The following TMEM132C variants were observed in gnomAD, a reference collection of about 807,000 sequenced individuals.
The protein encoded by TMEM132C is protein phosphatase 1, regulatory subunit 152.
A neutral mutation model predicts 61.4 loss-of-function variants in TMEM132C; 29 were observed. The ratio of observed to expected loss-of-function variants is 0.47; its 90% CI spans 0.35 to 0.64. The LOEUF is 0.64. TMEM132C is among the 30% of genes least tolerant of loss of function. The pLI is 0.00. For missense variants in TMEM132C, 1,408 were observed against 1,476.9 expected (o/e 0.95, Z 0.76); for synonymous variants, 656 against 633.1 (o/e 1.04, Z -0.54).
intron 1 of TMEM132C, among the ~76,000 whole-genome samples, chr12:128,340,852 TCTTTCTTCCTTC>T (rs1301394591): frequency 2.1e-5 from 3 of 145,042 alleles, no homozygotes; most frequent in Non-Finnish European, 4.5e-5. Context: ...TTTCTCTCTT[TCTTTCTTCCTTC>T]CTTCCTTCCT....
chr12:128,412,871 A>T (rs529260491), intron 1 of TMEM132C, among the ~76,000 whole-genome samples: 68 of 152,262 alleles, frequency 4.5e-4, no homozygotes, highest in African/African-American at 1.0e-3. Context: ...AAAGCACTCC[A>T]TATTGCTTCA....
intron 2 of TMEM132C, among the ~76,000 whole-genome samples, chr12:128,461,090 C>G (rs1207727655): frequency 5.3e-5 from 8 of 152,170 alleles, no homozygotes; most frequent in Non-Finnish European, 1.0e-4. Context: ...CTATTGCTGA[C>G]CTTGTCAGTG....
intron 4 of TMEM132C, among the ~76,000 whole-genome samples, chr12:128,642,704 C>T (rs149985217): frequency 9.8e-4 from 149 of 152,314 alleles, no homozygotes; most frequent in African/African-American, 3.4e-3. Context: ...GTACAGCCTG[C>T]AGAACCATGA....
At chr12:128,371,189 T>C (rs1874018323) in intron 1 of TMEM132C, among the ~76,000 whole-genome samples, 1 of 152,152 alleles carries the variant, frequency 6.6e-6, no homozygotes, top group Non-Finnish European at 1.5e-5. Flanking sequence ...AGAAGGTGCA[T>C]TGGTGTGTGG....
chr12:128,294,363 C>T (rs1168593122), intron 1 of TMEM132C, among the ~76,000 whole-genome samples: 1 of 152,180 alleles, frequency 6.6e-6, no homozygotes, highest in East Asian at 1.9e-4. Flanking sequence ...CAAAACCACA[C>T]TTCAGTGACT....
At chr12:128,274,798 A>G (rs1768826669) in intron 1 of TMEM132C, among the ~76,000 whole-genome samples, 1 of 152,174 alleles carries the variant, frequency 6.6e-6, no homozygotes, top group South Asian at 2.1e-4. Context: ...TCCCAAACCA[A>G]TGGAATCAGG....
chr12:128,400,467 C>T (rs1875115317), intron 1 of TMEM132C, among the ~76,000 whole-genome samples: 2 of 152,182 alleles, frequency 1.3e-5, no homozygotes, highest in African/African-American at 4.8e-5. Context: ...TTTCCCAGCC[C>T]AGCACAGTGA....
chr12:128,634,941 A>G (rs972052082), intron 4 of TMEM132C, among the ~76,000 whole-genome samples: 2 of 152,242 alleles, frequency 1.3e-5, no homozygotes, highest in African/African-American at 2.4e-5. Flanking sequence ...AAATGAGTAT[A>G]TGAGCAGTAG....
chr12:128,594,239 G>C lies in TMEM132C; in HGVS notation c.1122-21913G>C, dbSNP rs1197200130. 2.0e-5 allele frequency among the ~76,000 whole-genome samples: 3 copies of C among 152,162 alleles called. No homozygotes were observed. In the East Asian group the frequency reaches 5.8e-4, roughly 30 times the overall value. ...ACCCCAGGGGGGCGCCACATAAAAG[G>C]GGATGTGCCCGTTATGAGTCCGTGA... On this transcript the variant is annotated intron_variant, in intron 3 of 8. Transcript: ENST00000435159.
rs140541188 is a variant in TMEM132C at position 128,567,429 on chromosome 12, G to GACACAC, written c.1121+23368_1121+23373dup. On this transcript the variant is annotated intron_variant, in intron 3 of 8. Coordinates refer to ENST00000435159, the MANE Select transcript of TMEM132C (RefSeq NM_001136103.3). ...GATCATAAGTGTCCACATACCCATAGACACACACACACACACACACACACA... is the reference window on the plus strand; with the variant it reads ...GATCATAAGTGTCCACATACCCATAGACACACACACACACACACACACACACACACA... 2.8e-3 allele frequency among the ~76,000 whole-genome samples: 385 copies of GACACAC among 136,326 alleles called. 3 individuals carry two copies. The highest frequency in any genetic ancestry group is 0.024 in the East Asian group (111 of 4,582). 89.4% of individuals were successfully genotyped at this position (136,326 alleles called of 152,430 possible).
chr12:128,600,279 G>A (rs1876137064), intron 3 of TMEM132C, among the ~76,000 whole-genome samples: 1 of 152,116 alleles, frequency 6.6e-6, no homozygotes, highest in Non-Finnish European at 1.5e-5. Context: ...ACCGCACCGG[G>A]CCAAGACCTG....
chr12:128,595,089 A>G (rs972777409), intron 3 of TMEM132C, among the ~76,000 whole-genome samples: 48 of 152,238 alleles, frequency 3.2e-4, no homozygotes, highest in Non-Finnish European at 1.6e-4. Context: ...GGAAGGAAAC[A>G]CTGCTCTCCG....
At chr12:128,551,785 A>G (rs1376765999) in intron 3 of TMEM132C, among the ~76,000 whole-genome samples, 1 of 152,104 alleles carries the variant, frequency 6.6e-6, no homozygotes, top group African/African-American at 2.4e-5. Flanking sequence ...TCTTTTTTCA[A>G]AACCAGGTGT....
chr12:128,292,204 C>G (rs1296672813), intron 1 of TMEM132C, among the ~76,000 whole-genome samples: 1 of 152,036 alleles, frequency 6.6e-6, no homozygotes, highest in South Asian at 2.1e-4. Flanking sequence ...TCACTTTTTT[C>G]TTATGCACAT....
intron 2 of TMEM132C, among the ~76,000 whole-genome samples, chr12:128,480,732 T>C (rs537620461): frequency 6.6e-6 from 1 of 152,242 alleles, no homozygotes; most frequent in South Asian, 2.1e-4. Flanking sequence ...CTGTGAGACC[T>C]GAACAGCCTC....
intron 1 of TMEM132C, among the ~76,000 whole-genome samples, chr12:128,296,715 G>A (rs1250236233): frequency 2.6e-5 from 4 of 152,208 alleles, no homozygotes; most frequent in Admixed American, 2.6e-4. Context: ...ATGACTGTGA[G>A]TGTCATGAGG....
chr12:128,595,117 G>A (rs528196022), intron 3 of TMEM132C, among the ~76,000 whole-genome samples: 3 of 152,296 alleles, frequency 2.0e-5, no homozygotes, highest in Admixed American at 2.0e-4. Context: ...GTGCAGGGAA[G>A]TCTTGTTTTG....
At chr12:128,466,736 T>C (rs1427597319) in intron 2 of TMEM132C, among the ~76,000 whole-genome samples, 1 of 152,188 alleles carries the variant, frequency 6.6e-6, no homozygotes, top group Non-Finnish European at 1.5e-5. Context: ...CAGGCTGGTC[T>C]TGAACTCTTG....
intron 1 of TMEM132C, among the ~76,000 whole-genome samples, chr12:128,392,784 G>C (rs1874809963): frequency 8.1e-6 from 1 of 122,760 alleles, no homozygotes; most frequent in South Asian, 2.8e-4. Flanking sequence ...TAGCTGATGA[G>C]CTAAAAAAAA....
Sources: allele counts gnomAD v4.1 joint callset (sites outside exome capture counted in the v4.1 genomes callset), GRCh38; gene constraint gnomAD v4.1.1; transcripts MANE v1.5; gene names NCBI Gene and HGNC (gene_info 2026-07-23, HGNC 2026-07-21).